ZC3H6: variants seen among roughly 807,000 people sequenced by gnomAD.
ZC3H6 encodes the protein zinc finger CCCH domain-containing protein 6.
A neutral mutation model predicts 107.7 loss-of-function variants in ZC3H6; 40 were observed. The ratio of observed to expected loss-of-function variants is 0.37; its 90% CI spans 0.29 to 0.48. The LOEUF (loss-of-function observed/expected upper bound fraction) is 0.48. Among genes scored for constraint, ZC3H6 ranks in the 20% least tolerant of loss-of-function variants. The probability of loss-of-function intolerance (pLI) is 0.98; values close to 1 mark genes in which losing one functional copy is unlikely to be tolerated. For missense variants in ZC3H6, 1,267 were observed against 1,410.4 expected (o/e 0.90, Z 1.63); for synonymous variants, 493 against 487.9 (o/e 1.01, Z -0.14).
chr2:112,331,437 C>T lies in ZC3H6; in HGVS notation c.2519C>T (p.Pro840Leu). ...CTGAGAGAAAAAGCTTTCTTAATAC[C>T]TTTGGATGCCTCACCTGGCATAATG... ...RELREKAFLI[P>L]LDASPGIMLQ... Residue 840 changes from proline to leucine, a missense_variant, in exon 12 of 12, where the codon CCT (proline) becomes CTT (leucine). Transcript: ENST00000409871. 1 of 1,613,906 alleles carries T rather than the reference C, an allele frequency of 6.2e-7. No homozygotes were observed. The highest frequency in any genetic ancestry group is 8.5e-7 in the Non-Finnish European group (1 of 1,179,886).
Position 112,333,097 on chromosome 2 carries a change from A to T in ZC3H6, c.*609A>T, listed in dbSNP as rs1224557137. 6.6e-6 allele frequency: 1 copy of T among 152,598 alleles called. No homozygotes were observed. The highest frequency in any genetic ancestry group is 1.5e-5 in the Non-Finnish European group (1 of 68,000). The allele number at this position is 152,598 out of a possible 1,614,324, so 9.5% of individuals were successfully genotyped here. On this transcript the variant is annotated 3_prime_UTR_variant, in exon 12 of 12. Coordinates refer to ENST00000409871, the MANE Select transcript of ZC3H6 (RefSeq NM_198581.3). Reference sequence around the variant, plus strand: ...ATCTTTTTAAAGTATTTTATTGTATACTGTATCATAGAAGTTGGAGGTATA... The same window carrying T: ...ATCTTTTTAAAGTATTTTATTGTATTCTGTATCATAGAAGTTGGAGGTATA...
At chr2:112,317,667 G>A (rs1362104725) in intron 7 of ZC3H6, among the ~76,000 whole-genome samples, 5 of 151,988 alleles carry the variant, frequency 3.3e-5, no homozygotes, top group Non-Finnish European at 5.9e-5. Context: ...ACTTAAGTTC[G>A]GGAGTAAAAA....
At chr2:112,297,166 T>C (rs1050651954) in intron 1 of ZC3H6, among the ~76,000 whole-genome samples, 5 of 152,320 alleles carry the variant, frequency 3.3e-5, no homozygotes, top group African/African-American at 1.2e-4. Context: ...AAGAATAGAA[T>C]GAATCCTCGT....
rs1677045229 is a variant in ZC3H6 at position 112,332,064 on chromosome 2, A to G, written c.3146A>G (p.Tyr1049Cys). The change falls in exon 12 of 12, where the codon TAT (tyrosine) becomes TGT (cysteine). Residue 1049 changes from tyrosine to cysteine, a missense_variant. Physicochemically the swap from Tyr to Cys is radical, Grantham distance 194 (BLOSUM62 -2). This residue lies in a region of ZC3H6 where 925 missense variants were observed against 1,025.7 expected (regional missense o/e 0.90). Transcript: ENST00000409871. Reference sequence around the variant, plus strand: ...TCAGTTCTTAGTGGTATTAGTTTGTATGACCCTAGGGATCACGGTTCATCA... The same window carrying G: ...TCAGTTCTTAGTGGTATTAGTTTGTGTGACCCTAGGGATCACGGTTCATCA... ...STSVLSGISL[Y>C]DPRDHGSSST... is the part of the protein sequence containing the mutation. 6.2e-7 allele frequency: 1 copy of G among 1,614,016 alleles called. No homozygotes were observed. The highest frequency in any genetic ancestry group is 8.5e-7 in the Non-Finnish European group (1 of 1,179,892).
At chr2:112,305,686 C>T (rs1186242863) in intron 3 of ZC3H6, among the ~76,000 whole-genome samples, 1 of 152,128 alleles carries the variant, frequency 6.6e-6, no homozygotes, top group African/African-American at 2.4e-5. Flanking sequence ...CATCGTTTAG[C>T]CTTTGCTTAG....
rs1443998472 is a variant in ZC3H6 at position 112,334,969 on chromosome 2, T to C, written c.*2481T>C. On this transcript the variant is annotated 3_prime_UTR_variant, in exon 12 of 12. Transcript: ENST00000409871. ...TTGAGTCTTAAGAGTATGGATAGGC[T>C]CATCCAATGAGATGTAACTTAGCTA... 6.6e-6 allele frequency: 1 copy of C among 152,622 alleles called. No individual in the cohort carries two copies. Among genetic ancestry groups the C allele is most frequent in the Non-Finnish European group, 1.5e-5 (1 of 68,028 alleles). The allele number at this position is 152,622 out of a possible 1,614,324, so 9.5% of individuals were successfully genotyped here.
At chr2:112,303,101 A>T (rs1185567343) in intron 2 of ZC3H6, 128 bp from the exon 3 acceptor site, 2 of 1,196,168 alleles carry the variant, frequency 1.7e-6, no homozygotes, top group Non-Finnish European at 2.3e-6. Context: ...TTTCAGTAGT[A>T]CTTCAGAGTC....
chr2:112,294,880 A>G (rs1246627473), intron 1 of ZC3H6, among the ~76,000 whole-genome samples: 4 of 152,342 alleles, frequency 2.6e-5, no homozygotes, highest in African/African-American at 4.8e-5. Flanking sequence ...CAGTTGTCTC[A>G]ATCTAGATAC....
At position 112,332,526 on chromosome 2, in the gene ZC3H6, C is replaced by T; in HGVS notation, c.*38C>T. ...TGAGCAATTCTTTTCACTCTTGTGA[C>T]TATCTCAGTCCTCTGCTGTTTTGTA... is the stretch of plus-strand genomic sequence containing the variant. On this transcript the variant is annotated 3_prime_UTR_variant, in exon 12 of 12. Transcript: ENST00000409871. The T allele has an allele frequency of 1.9e-6, 3 of 1,559,456 alleles. No homozygotes were observed. The highest frequency in any genetic ancestry group is 2.6e-6 in the Non-Finnish European group (3 of 1,153,116).
In ZC3H6 at chr2:112,332,079, A is replaced by G; in HGVS notation, c.3161A>G (p.His1054Arg). The part of the protein sequence containing the change: ...SGISLYDPRD[H>R]GSSSTSELAT... Reference sequence around the variant, plus strand: ...ATTAGTTTGTATGACCCTAGGGATCACGGTTCATCATCCACATCAGAGCTA... The same window carrying G: ...ATTAGTTTGTATGACCCTAGGGATCGCGGTTCATCATCCACATCAGAGCTA... Residue 1054 changes from histidine to arginine, a missense_variant, in exon 12 of 12, where the codon CAC (histidine) becomes CGC (arginine). His to Arg is a conservative substitution (Grantham distance 29). Transcript: ENST00000409871. 1 of 1,614,028 alleles carries G rather than the reference A, an allele frequency of 6.2e-7. No homozygotes were observed. The highest frequency in any genetic ancestry group is 1.1e-5 in the South Asian group (1 of 91,086).
intron 11 of ZC3H6, among the ~76,000 whole-genome samples, chr2:112,326,611 TTTTTGTTTTG>T (rs1306026913): frequency 6.6e-6 from 1 of 152,076 alleles, no homozygotes; most frequent in South Asian, 2.1e-4. Flanking sequence ...CATTGTCTGT[TTTTTGTTTTG>T]TTTTGTTTTA....
intron 4 of ZC3H6, 62 bp downstream of exon 4, chr2:112,310,223 G>T: frequency 6.7e-7 from 1 of 1,493,486 alleles, no homozygotes; most frequent in Non-Finnish European, 9.0e-7. Flanking sequence ...GGCAGCTATG[G>T]AGTAAAAACT....
intron 5 of ZC3H6, among the ~76,000 whole-genome samples, chr2:112,314,211 G>C (rs928305152): frequency 6.7e-6 from 1 of 150,030 alleles, no homozygotes; most frequent in South Asian, 2.1e-4. Context: ...TTTTTTATTC[G>C]CAGTACTGTC....
intron 5 of ZC3H6, among the ~76,000 whole-genome samples, chr2:112,312,794 A>T (rs1485993490): frequency 6.6e-6 from 1 of 150,588 alleles, no homozygotes; most frequent in Non-Finnish European, 1.5e-5. Flanking sequence ...CAGGAGGCGG[A>T]GGTTGCAGTG....
chr2:112,321,596 C>T (rs1186758887), intron 7 of ZC3H6, among the ~76,000 whole-genome samples, 160 bp from the exon 8 acceptor site: 1 of 151,796 alleles, frequency 6.6e-6, no homozygotes. Context: ...ACTCCCTTAA[C>T]AAAATTTTAA....
intron 9 of ZC3H6, among the ~76,000 whole-genome samples, chr2:112,323,902 A>T (rs1676851748): frequency 6.6e-6 from 1 of 152,286 alleles, no homozygotes; most frequent in African/African-American, 2.4e-5. Flanking sequence ...TTATCTTTGT[A>T]CTTTTCTGTG....
intron 11 of ZC3H6, among the ~76,000 whole-genome samples, chr2:112,330,237 T>C (rs1336106477): frequency 6.6e-6 from 1 of 152,070 alleles, no homozygotes; most frequent in Non-Finnish European, 1.5e-5. Context: ...GTATTTTTAG[T>C]AGAGACGGGG....
intron 10 of ZC3H6, 38 bp downstream of exon 10, chr2:112,324,701 A>C (rs1472285775): frequency 2.0e-6 from 3 of 1,486,438 alleles, no homozygotes. Context: ...TTCCTAATTT[A>C]AAATACAGTC....
rs1295390180 is a variant in ZC3H6 at position 112,335,175 on chromosome 2, G to A, written c.*2687G>A. On this transcript the variant is annotated 3_prime_UTR_variant, in exon 12 of 12. Coordinates refer to ENST00000409871, the MANE Select transcript of ZC3H6 (RefSeq NM_198581.3). The stretch of plus-strand genomic sequence containing the variant: ...TTGAACACAAATCAGATGTTGGAGT[G>A]ATTTCAAACTCTATTTCAACAATTG... The A allele has an allele frequency of 2.6e-5, 4 of 152,146 alleles. No homozygotes were observed. Among genetic ancestry groups the A allele is most frequent in the Admixed American group, 1.3e-4 (2 of 15,268 alleles). The allele number at this position is 152,146 out of a possible 1,614,324, so 9.4% of individuals were successfully genotyped here.
Sources: gnomAD v4.1 joint callset for allele counts (sites outside exome capture counted in the v4.1 genomes callset) on GRCh38, gnomAD v4.1.1 for gene constraint, gnomAD v4.1.1 regional missense constraint, MANE v1.5 for transcripts, NCBI Gene and HGNC (gene_info 2026-07-23, HGNC 2026-07-21) for gene names.